The following EFHB variants were observed in gnomAD, a reference collection of about 807,000 sequenced individuals.
EFHB encodes the protein EF-hand domain family member B, also known as EF-hand domain-containing family member B.
Under a neutral mutation model 87.2 loss-of-function variants are expected in EFHB, and 91 were observed. That is an observed-to-expected ratio of 1.04 (90% CI 0.88 to 1.24). The LOEUF (loss-of-function observed/expected upper bound fraction) is 1.24, where lower values mean the gene tolerates loss of function less well. EFHB is among the 50% of genes most tolerant of loss of function. The probability of loss-of-function intolerance (pLI) is 0.00; values close to 1 mark genes in which losing one functional copy is unlikely to be tolerated. For missense variants in EFHB, 1,084 were observed against 998.8 expected, an observed-to-expected ratio of 1.09 and a Z score of -1.15; for synonymous variants, 325 against 333.6, an observed-to-expected ratio of 0.97 and a Z score of 0.28.
intron 1 of EFHB, among the ~76,000 whole-genome samples, chr3:19,924,423 A>G (rs1695547007): frequency 6.6e-6 from 1 of 152,002 alleles, no homozygotes; most frequent in African/African-American, 2.4e-5. Flanking sequence ...TATGTCGGCC[A>G]GGCTGGTCTC....
chr3:19,907,649 G>C (rs1355769303), intron 5 of EFHB, among the ~76,000 whole-genome samples: 1 of 152,112 alleles, frequency 6.6e-6, no homozygotes, highest in Non-Finnish European at 1.5e-5. Flanking sequence ...ACCAACAGAG[G>C]AGTCTTTTTA....
At chr3:19,894,989 A>AAAAAAATATATATATATAT (rs369564576) in intron 9 of EFHB, 2 of 144,516 alleles carry the variant, frequency 1.4e-5, no homozygotes, top group African/African-American at 5.3e-5. Flanking sequence ...TGTCTCAAAA[A>AAAAAAATATATATATATAT]ATATATATAT....
chr3:19,899,865 G>T (rs2931388), intron 6 of EFHB, among the ~76,000 whole-genome samples: 56,531 of 151,812 alleles, frequency 0.37, 10,705 homozygotes, highest in South Asian at 0.44. Flanking sequence ...TTGAGCTCAG[G>T]AGTTTGAGAC....
chr3:19,910,157 G>A (rs922492485), intron 5 of EFHB, among the ~76,000 whole-genome samples: 1 of 151,900 alleles, frequency 6.6e-6, no homozygotes, highest in Admixed American at 6.6e-5. Context: ...CAGGCTCTTA[G>A]GGTTCCTGAT....
intron 2 of EFHB, 94 bp from the exon 3 acceptor site, chr3:19,920,070 C>T (rs73819048): frequency 0.049 from 64,967 of 1,320,180 alleles, 2,076 homozygotes; most frequent in South Asian, 0.13. Context: ...ACCTTAAGTG[C>T]ATGTATGTAG....
chr3:19,907,503 C>T (rs1459402441), intron 5 of EFHB, among the ~76,000 whole-genome samples: 1 of 152,162 alleles, frequency 6.6e-6, no homozygotes, highest in African/African-American at 2.4e-5. Context: ...GCACTTTCCA[C>T]TATGCTAAGA....
chr3:19,892,810 G>A (rs1462811761), intron 9 of EFHB, among the ~76,000 whole-genome samples: 1 of 151,206 alleles, frequency 6.6e-6, no homozygotes, highest in African/African-American at 2.4e-5. Flanking sequence ...AGCTATGATG[G>A]TGCCACTGCA....
chr3:19,884,183 TA>T (rs2071753069), intron 11 of EFHB, among the ~76,000 whole-genome samples: 1 of 152,220 alleles, frequency 6.6e-6, no homozygotes, highest in African/African-American at 2.4e-5. Context: ...TCCATTTCAT[TA>T]ATATATAAAG....
At chr3:19,936,071 C>A, upstream of EFHB, 2 of 1,178,576 alleles carry the variant, frequency 1.7e-6, no homozygotes, top group Non-Finnish European at 1.1e-6. Context: ...TTCCAGAACT[C>A]TACAAAAACC....
rs563870579 is a variant in EFHB at position 19,897,462 on chromosome 3, C to T, written c.1571-621G>A. 3.9e-5 allele frequency among the ~76,000 whole-genome samples: 6 copies of T among 152,214 alleles called. No individual in the cohort carries two copies. In the South Asian group the frequency reaches 6.2e-4, roughly 16 times the overall value. ...CCATGCTGCTCCAGATGTGGCGGCTCGGTGGATATCGCCAGAGGAGACCTC... is the reference window on the plus strand; with the variant it reads ...CCATGCTGCTCCAGATGTGGCGGCTTGGTGGATATCGCCAGAGGAGACCTC... On this transcript the variant is annotated intron_variant, in intron 8 of 12. Transcript: ENST00000295824.
chr3:19,886,328 C>A (rs1694099088), intron 10 of EFHB, among the ~76,000 whole-genome samples: 1 of 152,170 alleles, frequency 6.6e-6, no homozygotes, highest in South Asian at 2.1e-4. Flanking sequence ...CACAGAAAGG[C>A]ATGACCCAAG....
intron 1 of EFHB, among the ~76,000 whole-genome samples, chr3:19,945,187 T>G (rs1559482106): frequency 6.6e-6 from 1 of 152,090 alleles, no homozygotes. Flanking sequence ...ACAGGCAATA[T>G]TCAGGGAACA....
rs527356348 is a variant in EFHB at position 19,920,431 on chromosome 3, G to A, written c.852+74C>T. The A allele has an allele frequency of 1.1e-4, 143 of 1,255,918 alleles. No individual in the cohort carries two copies. The African/African-American group carries it at 1.6e-3, about 14-fold the overall frequency. The allele number at this position is 1,255,918 out of a possible 1,614,324, so 77.8% of individuals were successfully genotyped here. Reference sequence around the variant, plus strand: ...AGTTTATACCACTTTCATAAGGAACGTTGAGTTGCCTATTCCTTAATGTTC... The same window carrying A: ...AGTTTATACCACTTTCATAAGGAACATTGAGTTGCCTATTCCTTAATGTTC... On this transcript the variant is annotated intron_variant, in intron 2 of 12. Coordinates refer to ENST00000295824, the MANE Select transcript of EFHB (RefSeq NM_144715.4).
rs755487283 is a variant in EFHB, at chr3:19,915,304, T to G, written c.1287A>C (p.Ala429=). The G allele has an allele frequency of 1.2e-6, 2 of 1,603,678 alleles. No homozygotes were observed. Among genetic ancestry groups the G allele is most frequent in the South Asian group, 2.2e-5 (2 of 90,398 alleles). The change falls in exon 5 of 13, where the codon GCA becomes GCC. Residue 429 remains alanine (A), a splice_region_variant and synonymous_variant. Coordinates refer to ENST00000295824, the MANE Select transcript of EFHB (RefSeq NM_144715.4). ...CATTTTGCATCGGAGGACACTTACCTGCATAATAATCATTGTGAGAAACAA... is the reference window on the plus strand; with the variant it reads ...CATTTTGCATCGGAGGACACTTACCGGCATAATAATCATTGTGAGAAACAA... The part of the protein sequence containing the change: ...LYVVSHNDYY[A]GEAKNRKYNP...
intron 5 of EFHB, among the ~76,000 whole-genome samples, chr3:19,908,593 AGAGAG>A (rs1559459735): frequency 0.022 from 2,599 of 117,652 alleles, 31 homozygotes; most frequent in Middle Eastern, 0.038. Flanking sequence ...AGAGAGAGAG[AGAGAG>A]AGAAAGAAAG....
chr3:19,911,479 A>C lies in EFHB; in HGVS notation c.1288+3824T>G, dbSNP rs1264247734. On this transcript the variant is annotated intron_variant, in intron 5 of 12. Transcript: ENST00000295824. Reference sequence around the variant, plus strand: ...AGGCTGAGACAGGAGAATCACTTGAACCTGGGAGGCAGAGGTTGCAGTGAG... The same window carrying C: ...AGGCTGAGACAGGAGAATCACTTGACCCTGGGAGGCAGAGGTTGCAGTGAG... Among the ~76,000 whole-genome samples the C allele has an allele frequency of 4.6e-5, 7 of 152,124 alleles. No individual in the cohort carries two copies. The East Asian group carries it at 1.2e-3, about 25-fold the overall frequency.
intron 9 of EFHB, 67 bp downstream of exon 9, chr3:19,896,620 G>T: frequency 6.2e-7 from 1 of 1,606,040 alleles, no homozygotes; most frequent in South Asian, 1.1e-5. Context: ...GCTGACCCCT[G>T]ATCTACACCA....
rs1480885924 is a variant in EFHB at position 19,920,360 on chromosome 3, A to G, written c.852+145T>C. 3 of 677,444 alleles carry G rather than the reference A, an allele frequency of 4.4e-6. No homozygotes were observed. The African/African-American group carries it at 5.7e-5, about 13-fold the overall frequency. The allele number at this position is 677,444 out of a possible 1,614,324, so 42.0% of individuals were successfully genotyped here. A position where few individuals can be genotyped will look rare whatever the true frequency, so the allele number is the denominator to read the frequency against. Reference sequence around the variant, plus strand: ...ATTTTCACTTTCTTGGACAAAATCAATAGAAGGCCTCAAAATACAGCAAAG... The same window carrying G: ...ATTTTCACTTTCTTGGACAAAATCAGTAGAAGGCCTCAAAATACAGCAAAG... On this transcript the variant is annotated intron_variant, in intron 2 of 12. Coordinates refer to ENST00000295824, the MANE Select transcript of EFHB (RefSeq NM_144715.4).
intron 2 of EFHB, 115 bp downstream of exon 2, chr3:19,920,390 C>A (rs914031212): frequency 2.4e-6 from 2 of 846,964 alleles, no homozygotes; most frequent in Admixed American, 6.5e-5. Context: ...GCAAAGAATC[C>A]AAATTGACCA....
Sources: gnomAD v4.1 joint callset for allele counts (sites outside exome capture counted in the v4.1 genomes callset) on GRCh38, gnomAD v4.1.1 for gene constraint, MANE v1.5 for transcripts, NCBI Gene and HGNC (gene_info 2026-07-23, HGNC 2026-07-21) for gene names.